RC3H2: variants seen among roughly 807,000 people sequenced by gnomAD.
The protein encoded by RC3H2 is ring finger and CCCH-type domains 2, also known as roquin-2.
In RC3H2, 31 loss-of-function variants were observed where a neutral mutation model predicts 133.3. That is an observed-to-expected ratio of 0.23 (90% confidence interval 0.17 to 0.31). RC3H2 has a LOEUF of 0.31. RC3H2 is among the 10% of genes least tolerant of loss of function. The pLI, the probability that RC3H2 is intolerant of heterozygous loss-of-function variation, is 1.00. For synonymous variants in RC3H2, 517 were observed against 502.2 expected (o/e 1.03, Z -0.40); for missense variants, 1,175 against 1,437.2 (o/e 0.82, Z 2.95).
At chr9:122,878,804 A>T (rs1831459433) in intron 8 of RC3H2, among the ~76,000 whole-genome samples, 1 of 151,900 alleles carries the variant, frequency 6.6e-6, no homozygotes, top group Admixed American at 6.6e-5. Context: ...GCTGGAGTGC[A>T]GTGGCGCGAT....
chr9:122,869,650 C>T (rs928123089), intron 9 of RC3H2, among the ~76,000 whole-genome samples: 4 of 149,058 alleles, frequency 2.7e-5, no homozygotes, highest in African/African-American at 9.9e-5. Flanking sequence ...GCAACCTCTG[C>T]TTCCCGGGTT....
intron 9 of RC3H2, among the ~76,000 whole-genome samples, chr9:122,873,338 G>C (rs1831184940): frequency 6.6e-6 from 1 of 152,100 alleles, no homozygotes; most frequent in Admixed American, 6.6e-5. Context: ...TAAGAAGTAA[G>C]AACTGTATAT....
At chr9:122,900,071 T>C (rs1031935871) in intron 1 of RC3H2, among the ~76,000 whole-genome samples, 1 of 152,190 alleles carries the variant, frequency 6.6e-6, no homozygotes, top group African/African-American at 2.4e-5. Flanking sequence ...TTTCAAACTA[T>C]ACCAGAGCAC....
At position 122,845,314 on chromosome 9, in the gene RC3H2, A is replaced by G; in HGVS notation, c.*4313T>C. 1 of 152,226 alleles carries G rather than the reference A, an allele frequency of 6.6e-6. No individual in the cohort carries two copies. Among genetic ancestry groups the G allele is most frequent in the Non-Finnish European group, 1.5e-5 (1 of 68,040 alleles). 9.4% of individuals were successfully genotyped at this position (152,226 alleles called of 1,614,324 possible). A position where few individuals can be genotyped will look rare whatever the true frequency, so the allele number is the denominator to read the frequency against. ...CCACGATACTCCCAAGTGGCTGTAC[A>G]GTGGATATGTGCAGTACAAATAAAA... On this transcript the variant is annotated 3_prime_UTR_variant, in exon 21 of 21. Coordinates refer to ENST00000357244, the MANE Select transcript of RC3H2 (RefSeq NM_001100588.3).
chr9:122,892,846 T>A, intron 3 of RC3H2, 63 bp downstream of exon 3: 1 of 1,281,498 alleles, frequency 7.8e-7, no homozygotes, highest in Non-Finnish European at 1.1e-6. Flanking sequence ...CCACATCAAG[T>A]CATTCAAAGT....
chr9:122,863,006 G>A (rs1382185848), intron 10 of RC3H2, among the ~76,000 whole-genome samples: 1 of 151,630 alleles, frequency 6.6e-6, no homozygotes, highest in African/African-American at 2.4e-5. Flanking sequence ...TCACAAGGCT[G>A]TCCAATTATC....
intron 9 of RC3H2, among the ~76,000 whole-genome samples, chr9:122,868,207 C>T (rs1468987432): frequency 6.6e-6 from 1 of 151,228 alleles, no homozygotes; most frequent in African/African-American, 2.4e-5. Context: ...AGTGAGGAGC[C>T]CCTCTGCCCG....
At position 122,846,147 on chromosome 9, in the gene RC3H2, A is replaced by C. The variant is rs1408076013; in HGVS notation, c.*3480T>G. ...TCCTACAAATTGCCGTGCATCCTGT[A>C]ATTTTCTCAAGGCAGCATATAAAAT... On this transcript the variant is annotated 3_prime_UTR_variant, in exon 21 of 21. Coordinates refer to ENST00000357244, the MANE Select transcript of RC3H2 (RefSeq NM_001100588.3). 1 of 152,204 alleles carries C rather than the reference A, an allele frequency of 6.6e-6. No individual in the cohort carries two copies. Among genetic ancestry groups the C allele is most frequent in the East Asian group, 1.9e-4 (1 of 5,206 alleles). The allele number at this position is 152,204 out of a possible 1,614,324, so 9.4% of individuals were successfully genotyped here.
intron 10 of RC3H2, among the ~76,000 whole-genome samples, chr9:122,863,606 C>G (rs992181402): frequency 1.4e-4 from 21 of 152,094 alleles, no homozygotes; most frequent in African/African-American, 4.6e-4. Flanking sequence ...ATCATAAATC[C>G]CTTAAAAGCA....
chr9:122,882,959 C>A (rs1041450480), intron 5 of RC3H2, among the ~76,000 whole-genome samples: 8 of 152,138 alleles, frequency 5.3e-5, no homozygotes, highest in African/African-American at 1.9e-4. Context: ...TCAAGTTTAC[C>A]AAATGATTTC....
chr9:122,870,397 C>G (rs1480365737), intron 9 of RC3H2, among the ~76,000 whole-genome samples: 2 of 130,320 alleles, frequency 1.5e-5, no homozygotes, highest in Non-Finnish European at 3.2e-5. Flanking sequence ...AACAAACAAA[C>G]AAACAAACAA....
chr9:122,850,709 T>C (rs1207422831), intron 20 of RC3H2, among the ~76,000 whole-genome samples: 1 of 152,150 alleles, frequency 6.6e-6, no homozygotes, highest in Non-Finnish European at 1.5e-5. Flanking sequence ...AGTGCTGGGA[T>C]TACAGCCATG....
At position 122,853,973 on chromosome 9, in the gene RC3H2, T is replaced by A; in HGVS notation, c.3096A>T (p.Glu1032Asp). 2 of 1,614,222 alleles carry A rather than the reference T, an allele frequency of 1.2e-6. No homozygotes were observed. The highest frequency in any genetic ancestry group is 1.7e-6 in the Non-Finnish European group (2 of 1,180,024). The change falls in exon 18 of 21, where the codon GAA becomes GAT. Residue 1032 changes from glutamate (E) to aspartate (D), a missense_variant. This residue lies in a region of RC3H2 where 220 missense variants were observed against 201.1 expected (regional missense o/e 1.09). Coordinates refer to ENST00000357244, the MANE Select transcript of RC3H2 (RefSeq NM_001100588.3). ...TTACCTCTCCATTTCTTAGTTCAAT[T>A]TCCTTGCTTAAAAGGTTTAAGGTAA... is the stretch of plus-strand genomic sequence containing the variant. Reference protein sequence around the residue: ...RHLTLNLLSKEIELRNGELQS... With the variant: ...RHLTLNLLSKDIELRNGELQS...
chr9:122,852,849 C>G lies in RC3H2; in HGVS notation c.3117+1103G>C, dbSNP rs575722960. On this transcript the variant is annotated intron_variant, in intron 18 of 20. Coordinates refer to ENST00000357244, the MANE Select transcript of RC3H2 (RefSeq NM_001100588.3). ...GCCCCTACTGGGAAGTGAGGAGCCC[C>G]TCTGCCCAGCCACCACCCCGTCTGG... is the stretch of plus-strand genomic sequence containing the variant. Among the ~76,000 whole-genome samples, 64 of 152,300 alleles carry G rather than the reference C, an allele frequency of 4.2e-4. 1 individual carries two copies. The highest frequency in any genetic ancestry group is 1.5e-3 in the African/African-American group (64 of 41,576).
intron 2 of RC3H2, among the ~76,000 whole-genome samples, chr9:122,894,644 C>T (rs1212253342): frequency 6.6e-6 from 1 of 152,102 alleles, no homozygotes; most frequent in Admixed American, 6.5e-5. Flanking sequence ...CTTTGGGAGG[C>T]CAAGGTGGGC....
chr9:122,867,031 G>A lies in RC3H2; in HGVS notation c.1326-1374C>T, dbSNP rs1281023487. Among the ~76,000 whole-genome samples the A allele has an allele frequency of 2.2e-5, 3 of 138,342 alleles. No individual in the cohort carries two copies. In the South Asian group the frequency reaches 8.0e-4, roughly 37 times the overall value. The allele number at this position is 138,342 out of a possible 152,430, so 90.8% of individuals were successfully genotyped here. ...TGCCCCACCGCCCCGTCTGGGATGTGAGGAGCGCCTCTGCCTGGCCGCGAC... is the reference window on the plus strand; with the variant it reads ...TGCCCCACCGCCCCGTCTGGGATGTAAGGAGCGCCTCTGCCTGGCCGCGAC... On this transcript the variant is annotated intron_variant, in intron 9 of 20. Coordinates refer to ENST00000357244, the MANE Select transcript of RC3H2 (RefSeq NM_001100588.3).
intron 2 of RC3H2, among the ~76,000 whole-genome samples, chr9:122,895,411 GCCCACTTCAGCCTC>G (rs1239471533): frequency 6.6e-6 from 1 of 152,046 alleles, no homozygotes; most frequent in African/African-American, 2.4e-5. Context: ...CAAGCAGCCT[GCCCACTTCAGCCTC>G]CCAAAGTGCT....
chr9:122,894,005 A>G (rs1832307144), intron 2 of RC3H2, among the ~76,000 whole-genome samples: 1 of 152,222 alleles, frequency 6.6e-6, no homozygotes, highest in South Asian at 2.1e-4. Flanking sequence ...TCACACTTGG[A>G]ATCCCGCACT....
intron 2 of RC3H2, among the ~76,000 whole-genome samples, chr9:122,894,450 A>T (rs1832332762): frequency 6.6e-6 from 1 of 152,092 alleles, no homozygotes; most frequent in African/African-American, 2.4e-5. Context: ...AACATAATAA[A>T]TTTGTAGTGT....
Sources: allele counts gnomAD v4.1 joint callset (sites outside exome capture counted in the v4.1 genomes callset), GRCh38; gene constraint gnomAD v4.1.1; regional missense constraint gnomAD v4.1.1; transcripts MANE v1.5; gene names NCBI Gene and HGNC (gene_info 2026-07-23, HGNC 2026-07-21).